Variants in DNAJC12 observed in about 807,000 individuals in gnomAD.
DNAJC12 encodes DnaJ heat shock protein family (Hsp40) member C12.
A neutral mutation model predicts 28.5 loss-of-function variants in DNAJC12; 25 were observed. That is an observed-to-expected ratio of 0.88 (90% CI 0.64 to 1.22). The LOEUF (loss-of-function observed/expected upper bound fraction) is 1.22, where lower values mean the gene tolerates loss of function less well. Among genes scored for constraint, DNAJC12 ranks in the 50% most tolerant of loss-of-function variants. The pLI is 0.00. For synonymous variants in DNAJC12, 77 were observed against 80.6 expected (o/e 0.95, Z 0.24); for missense variants, 222 against 231.7 (o/e 0.96, Z 0.27).
chr10:67,835,647 A>C (rs1266666078), intron 1 of DNAJC12, among the ~76,000 whole-genome samples: 3 of 151,634 alleles, frequency 2.0e-5, no homozygotes, highest in African/African-American at 7.3e-5. Context: ...CTGAGATTGC[A>C]CCACTGCACT....
chr10:67,827,386 CAA>C (rs1470616082), intron 1 of DNAJC12, among the ~76,000 whole-genome samples: 3 of 131,400 alleles, frequency 2.3e-5, no homozygotes, highest in East Asian at 2.1e-4. Context: ...GGCTCTGTCT[CAA>C]AAAAAAAAAA....
At position 67,797,079 on chromosome 10, in the gene DNAJC12, A is replaced by T. The variant is rs764219717; in HGVS notation, c.*37T>A. Reference sequence around the variant, plus strand: ...ACTGCATGTTGGCAGCATAGGGGACAGTCTTGCTCTTCCTCATTTTTTGAA... The same window carrying T: ...ACTGCATGTTGGCAGCATAGGGGACTGTCTTGCTCTTCCTCATTTTTTGAA... On this transcript the variant is annotated 3_prime_UTR_variant, in exon 5 of 5. Coordinates refer to ENST00000225171, the MANE Select transcript of DNAJC12 (RefSeq NM_021800.3). 6.5e-7 allele frequency: 1 copy of T among 1,530,904 alleles called. No individual in the cohort carries two copies. The highest frequency in any genetic ancestry group is 1.1e-5 in the South Asian group (1 of 87,534). 94.8% of individuals were successfully genotyped at this position (1,530,904 alleles called of 1,614,324 possible).
chr10:67,823,273 C>T, intron 2 of DNAJC12, 41 bp downstream of exon 2: 1 of 1,543,348 alleles, frequency 6.5e-7, no homozygotes, highest in Non-Finnish European at 9.0e-7. Flanking sequence ...GTTCTATATA[C>T]TACTCATTTT....
At chr10:67,806,886 G>A (rs1218354718) in intron 3 of DNAJC12, among the ~76,000 whole-genome samples, 1 of 151,482 alleles carries the variant, frequency 6.6e-6, no homozygotes, top group African/African-American at 2.4e-5. Context: ...CTGTAGTTAT[G>A]CCTGTGTAAC....
At chr10:67,811,305 A>G in intron 3 of DNAJC12, 1 of 1,374,770 alleles carries the variant, frequency 7.3e-7, no homozygotes. Context: ...AAGAGATTGA[A>G]AGAAATGTAG....
At chr10:67,824,006 G>A (rs1363304963) in intron 1 of DNAJC12, among the ~76,000 whole-genome samples, 5 of 152,088 alleles carry the variant, frequency 3.3e-5, no homozygotes, top group Non-Finnish European at 1.5e-5. Flanking sequence ...GGGAGGCTGA[G>A]GTGGGCAGAT....
intron 2 of DNAJC12, among the ~76,000 whole-genome samples, chr10:67,819,511 C>T (rs922572896): frequency 6.6e-6 from 1 of 150,684 alleles, no homozygotes; most frequent in African/African-American, 2.4e-5. Flanking sequence ...TGATGGCGCA[C>T]GCCTGTAATC....
At chr10:67,829,099 C>A (rs1011647134) in intron 1 of DNAJC12, among the ~76,000 whole-genome samples, 1 of 152,160 alleles carries the variant, frequency 6.6e-6, no homozygotes, top group African/African-American at 2.4e-5. Flanking sequence ...AAGCACATTC[C>A]TTTCCCTTCA....
intron 4 of DNAJC12, among the ~76,000 whole-genome samples, chr10:67,800,746 C>T (rs536359069): frequency 6.6e-6 from 1 of 152,054 alleles, no homozygotes; most frequent in Admixed American, 6.6e-5. Context: ...GAGTTCGAGA[C>T]CAGCCTGGCC....
intron 1 of DNAJC12, among the ~76,000 whole-genome samples, chr10:67,823,926 A>G (rs777494076): frequency 6.6e-5 from 10 of 152,068 alleles, no homozygotes; most frequent in Non-Finnish European, 1.3e-4. Flanking sequence ...GGCCCAAGAT[A>G]CCTATGAGCT....
chr10:67,819,557 T>A (rs1841950662), intron 2 of DNAJC12, among the ~76,000 whole-genome samples: 1 of 150,928 alleles, frequency 6.6e-6, no homozygotes, highest in Admixed American at 6.7e-5. Flanking sequence ...GAGAATTGTT[T>A]GAACCTGGGA....
At chr10:67,826,641 G>T (rs1842033696) in intron 1 of DNAJC12, among the ~76,000 whole-genome samples, 1 of 124,390 alleles carries the variant, frequency 8.0e-6, no homozygotes, top group African/African-American at 3.1e-5. Context: ...TTATATATAA[G>T]ATATCTAATG....
At chr10:67,826,641 GATATCTAATGATATA>G (rs1227815210) in intron 1 of DNAJC12, among the ~76,000 whole-genome samples, 1 of 124,390 alleles carries the variant, frequency 8.0e-6, no homozygotes, top group African/African-American at 3.1e-5. Context: ...TTATATATAA[GATATCTAATGATATA>G]TATTATATAT....
At chr10:67,798,261 T>A (rs1251991343) in intron 4 of DNAJC12, among the ~76,000 whole-genome samples, 2 of 152,080 alleles carry the variant, frequency 1.3e-5, no homozygotes, top group African/African-American at 4.8e-5. Flanking sequence ...TATCTTAATA[T>A]TTACCATTAT....
chr10:67,832,135 CAT>C (rs1842100044), intron 1 of DNAJC12, among the ~76,000 whole-genome samples: 1 of 151,954 alleles, frequency 6.6e-6, no homozygotes, highest in Admixed American at 6.6e-5. Context: ...TGTGGTGGCG[CAT>C]GCCTGTAATC....
At position 67,798,758 on chromosome 10, in the gene DNAJC12, C is replaced by CTTTTTTTT. The variant is rs377308990; in HGVS notation, c.503-1556_503-1549dup. ...GATTGTTACAATAGATGTGATTTTC[C>CTTTTTTTT]TTTTTTTTTTTTTTTTCCTTTTCTG... is the stretch of plus-strand genomic sequence containing the variant. On this transcript the variant is annotated intron_variant, in intron 4 of 4. Transcript: ENST00000225171. Among the ~76,000 whole-genome samples the CTTTTTTTT allele has an allele frequency of 1.5e-5, 2 of 132,032 alleles. 1 individual carries two copies. Among genetic ancestry groups the CTTTTTTTT allele is most frequent in the Non-Finnish European group, 3.1e-5 (2 of 64,348 alleles). The allele number at this position is 132,032 out of a possible 152,430, so 86.6% of individuals were successfully genotyped here. A position where few individuals can be genotyped will look rare whatever the true frequency, so the allele number is the denominator to read the frequency against.
At chr10:67,825,017 G>A (rs1282571433) in intron 1 of DNAJC12, among the ~76,000 whole-genome samples, 1 of 152,172 alleles carries the variant, frequency 6.6e-6, no homozygotes, top group Non-Finnish European at 1.5e-5. Flanking sequence ...TTATAGGCGT[G>A]AGCCACCGTA....
chr10:67,801,574 G>C (rs1483839021), intron 4 of DNAJC12, among the ~76,000 whole-genome samples: 1 of 152,002 alleles, frequency 6.6e-6, no homozygotes, highest in Non-Finnish European at 1.5e-5. Flanking sequence ...CAGATCACCT[G>C]AGGTCAGGAG....
intron 1 of DNAJC12, among the ~76,000 whole-genome samples, chr10:67,836,389 C>G (rs190672224): frequency 3.1e-4 from 47 of 150,154 alleles, no homozygotes; most frequent in Non-Finnish European, 5.2e-4. Context: ...AAAGGACTGA[C>G]TAAATAGGTC....
Sources: gnomAD v4.1 joint callset for allele counts (sites outside exome capture counted in the v4.1 genomes callset) on GRCh38, gnomAD v4.1.1 for gene constraint, MANE v1.5 for transcripts, NCBI Gene and HGNC (gene_info 2026-07-23, HGNC 2026-07-21) for gene names.